Variants in TNFRSF1A observed in about 807,000 individuals in gnomAD.
TNFRSF1A encodes TNF receptor superfamily member 1A.
A neutral mutation model predicts 41.6 loss-of-function variants in TNFRSF1A; 9 were observed. That is an observed-to-expected ratio of 0.22 (90% confidence interval 0.13 to 0.38). TNFRSF1A has a LOEUF of 0.38. Ranked by LOEUF, TNFRSF1A falls within the 10% of genes least tolerant of loss-of-function variation. TNFRSF1A has a pLI of 1.00. For missense variants in TNFRSF1A, 463 were observed against 591.5 expected, an observed-to-expected ratio of 0.78 and a Z score of 2.25; for synonymous variants, 254 against 248.6, an observed-to-expected ratio of 1.02 and a Z score of -0.21.
intron 7 of TNFRSF1A, 77 bp from the exon 8 acceptor site, chr12:6,330,372 G>A (rs984136581): frequency 7.1e-7 from 1 of 1,416,002 alleles, no homozygotes. Flanking sequence ...GCTGGCAGTG[G>A]GGACTTGTGG....
At chr12:6,338,577 TA>T (rs1445572171) in intron 1 of TNFRSF1A, among the ~76,000 whole-genome samples, 1 of 135,126 alleles carries the variant, frequency 7.4e-6, no homozygotes, top group Non-Finnish European at 1.6e-5. Context: ...GATGCCTCAC[TA>T]CTTTTTTTTT....
At position 6,329,169 on chromosome 12, in the gene TNFRSF1A, G is replaced by A. The variant is rs1449927723; in HGVS notation, c.*143C>T. ...GGCGGCGCGCAGGCAGCTGAGAAAA[G>A]CTATGTACATCGAGGGGTTAGCACC... On this transcript the variant is annotated 3_prime_UTR_variant, in exon 10 of 10. Coordinates refer to ENST00000162749, the MANE Select transcript of TNFRSF1A (RefSeq NM_001065.4). 1 of 781,482 alleles carries A rather than the reference G, an allele frequency of 1.3e-6. No homozygotes were observed. The highest frequency in any genetic ancestry group is 1.8e-5 in the African/African-American group (1 of 55,466). The allele number at this position is 781,482 out of a possible 1,614,324, so 48.4% of individuals were successfully genotyped here. A position where few individuals can be genotyped will look rare whatever the true frequency, so the allele number is the denominator to read the frequency against.
At position 6,329,888 on chromosome 12, in the gene TNFRSF1A, G is replaced by C; in HGVS notation, c.947C>G (p.Pro316Arg). 1 of 1,585,424 alleles carries C rather than the reference G, an allele frequency of 6.3e-7. No homozygotes were observed. The highest frequency in any genetic ancestry group is 8.6e-7 in the Non-Finnish European group (1 of 1,165,364). ...NFAAPRREVA[P>R]PYQGADPILA... ...GATGGGGTCAGCCCCCTGATAGGGT[G>C]GTGCCACCTCTCTGCGGGGAGCCGC... Residue 316 changes from proline to arginine, a missense_variant, in exon 9 of 10, where the codon CCA becomes CGA. Physicochemically the swap from Pro to Arg is moderately radical, Grantham distance 103. This residue lies in a region of TNFRSF1A where 277 missense variants were observed against 288.8 expected (regional missense o/e 0.96). Coordinates refer to ENST00000162749, the MANE Select transcript of TNFRSF1A (RefSeq NM_001065.4).
intron 1 of TNFRSF1A, among the ~76,000 whole-genome samples, chr12:6,339,188 C>T (rs1948155624): frequency 6.6e-6 from 1 of 152,216 alleles, no homozygotes; most frequent in African/African-American, 2.4e-5. Context: ...CTCCATTCCT[C>T]TCCTCTTCCT....
chr12:6,333,312 AG>A lies in TNFRSF1A; in HGVS notation c.472+54del, dbSNP rs1200450808. 1.4e-5 allele frequency: 22 copies of A among 1,598,432 alleles called. No individual in the cohort carries two copies. The East Asian group carries it at 5.0e-4, about 36-fold the overall frequency. ...GAAAGGAAGTGCCACCGCATGGGGA[AG>A]GGGCCAACCCCTGGGGTGGGGAGAG... On this transcript the variant is annotated intron_variant, in intron 4 of 9. Transcript: ENST00000162749. This position sits in a 1 kb window ranked among gnomAD's most constrained non-coding sequence, Gnocchi z 6.3.
chr12:6,339,835 TCTCTCTCACACACACACA>T (rs1484573792), intron 1 of TNFRSF1A, among the ~76,000 whole-genome samples: 5 of 130,450 alleles, frequency 3.8e-5, no homozygotes, highest in Admixed American at 1.4e-4. Flanking sequence ...TCTCTCTCTC[TCTCTCTCACACACACACA>T]CACACACACA....
intron 1 of TNFRSF1A, among the ~76,000 whole-genome samples, chr12:6,340,661 T>G (rs1447609187): frequency 6.6e-6 from 1 of 151,714 alleles, no homozygotes; most frequent in Non-Finnish European, 1.5e-5. Context: ...CTCTGAGAAG[T>G]CTGAGGAGAG....
At chr12:6,330,546 T>G (rs1055183964) in intron 7 of TNFRSF1A, 52 bp downstream of exon 7, 11 of 1,379,042 alleles carry the variant, frequency 8.0e-6, no homozygotes, top group Non-Finnish European at 1.1e-5. Context: ...CACCCACCCA[T>G]GTCCTCCCTC....
Position 6,330,582 on chromosome 12 carries a change from C to A in TNFRSF1A, c.739+16G>T. The A allele has an allele frequency of 6.3e-7, 1 of 1,591,918 alleles. No individual in the cohort carries two copies. Among genetic ancestry groups the A allele is most frequent in the South Asian group, 1.1e-5 (1 of 90,374 alleles). On this transcript the variant is annotated intron_variant, in intron 7 of 9. Transcript: ENST00000162749. ...ACCCCCACCAGCTCCCTCTCCCTCC[C>A]AAAGCCCCCACTCACCAATGGAGTA...
chr12:6,329,614 G>A lies in TNFRSF1A; in HGVS notation c.1066C>T (p.Pro356Ser), dbSNP rs748903348. ...TCCACCACGGCGTACAGCGTCGCGG[G>A]GTCATCAGCTGCGGGGACGCGGGCC... ...HKPQSLDTDD[P>S]ATLYAVVENV... Residue 356 changes from proline to serine, a missense_variant, in exon 10 of 10, where the codon CCC (proline) becomes TCC (serine). Coordinates refer to ENST00000162749, the MANE Select transcript of TNFRSF1A (RefSeq NM_001065.4). 1.9e-6 allele frequency: 3 copies of A among 1,594,410 alleles called. No individual in the cohort carries two copies. The highest frequency in any genetic ancestry group is 2.6e-6 in the Non-Finnish European group (3 of 1,174,702).
At chr12:6,330,813 G>A (rs764036106) in intron 6 of TNFRSF1A, 40 bp downstream of exon 6, 1 of 1,598,406 alleles carries the variant, frequency 6.3e-7, no homozygotes, top group Non-Finnish European at 8.6e-7. Flanking sequence ...AGAAGAGGGA[G>A]AGGGCAGGTG....
At chr12:6,339,624 C>T (rs374002054) in intron 1 of TNFRSF1A, among the ~76,000 whole-genome samples, 5 of 152,160 alleles carry the variant, frequency 3.3e-5, no homozygotes, top group African/African-American at 1.2e-4. Flanking sequence ...CCAGTTCCTC[C>T]TCCTCCCAAC....
chr12:6,333,402 C>T lies in TNFRSF1A; in HGVS notation c.437G>A (p.Cys146Tyr), dbSNP rs751163134. 1 of 1,613,932 alleles carries T rather than the reference C, an allele frequency of 6.2e-7. No individual in the cohort carries two copies. The highest frequency in any genetic ancestry group is 8.5e-7 in the Non-Finnish European group (1 of 1,179,954). The change falls in exon 4 of 10, where the codon TGC becomes TAC. Residue 146 changes from cysteine to tyrosine, a missense_variant. Cys to Tyr is a radical substitution (Grantham distance 194, BLOSUM62 -2). Coordinates refer to ENST00000162749, the MANE Select transcript of TNFRSF1A (RefSeq NM_001065.4). The surrounding 1 kb of genome is among the most constrained non-coding windows in gnomAD (Gnocchi z 6.3). Reference protein sequence around the residue: ...WSENLFQCFNCSLCLNGTVHL... With the variant: ...WSENLFQCFNYSLCLNGTVHL... The stretch of plus-strand genomic sequence containing the variant: ...CACGGTCCCATTGAGGCAGAGGCTG[C>T]AATTGAAGCACTGGAAAAGGTTTTC...
rs1481945019 is a variant in TNFRSF1A at position 6,333,237 on chromosome 12, C to T, written c.473-90G>A. On this transcript the variant is annotated intron_variant, in intron 4 of 9. Coordinates refer to ENST00000162749, the MANE Select transcript of TNFRSF1A (RefSeq NM_001065.4). The surrounding 1 kb of genome is among the most constrained non-coding windows in gnomAD (Gnocchi z 6.3). ...GAAGTGACGAGGGACAGGGTGGGGGCGGCCAGAGAGGAGTTGGTTGTCAGA... is the reference window on the plus strand; with the variant it reads ...GAAGTGACGAGGGACAGGGTGGGGGTGGCCAGAGAGGAGTTGGTTGTCAGA... 1.2e-5 allele frequency: 18 copies of T among 1,546,154 alleles called. No homozygotes were observed. Among genetic ancestry groups the T allele is most frequent in the East Asian group, 6.9e-5 (3 of 43,604 alleles).
At position 6,333,197 on chromosome 12, in the gene TNFRSF1A, C is replaced by T. The variant is rs769877084; in HGVS notation, c.473-50G>A. The T allele has an allele frequency of 2.5e-6, 4 of 1,592,622 alleles. No individual in the cohort carries two copies. The highest frequency in any genetic ancestry group is 2.2e-5 in the South Asian group (2 of 90,176). On this transcript the variant is annotated intron_variant, in intron 4 of 9. Transcript: ENST00000162749. This position sits in a 1 kb window ranked among gnomAD's most constrained non-coding sequence, Gnocchi z 6.3. Reference sequence around the variant, plus strand: ...TAAAGGAGAAGCGCCTGCACCCCCACCCCACAGGACAGAGGAAGTGACGAG... The same window carrying T: ...TAAAGGAGAAGCGCCTGCACCCCCATCCCACAGGACAGAGGAAGTGACGAG...
Position 6,333,119 on chromosome 12 carries a change from G to C in TNFRSF1A, c.501C>G (p.Thr167=), listed in dbSNP as rs202063972. ...CTCTTAGAAAGAAACCTGCATGGCA[G>C]GTGCACACGGTGTTCTGTTTCTCCT... The part of the protein sequence containing the change: ...SCQEKQNTVC[T]CHAGFFLREN... The change falls in exon 5 of 10, where the codon ACC becomes ACG. Residue 167 remains threonine (T), a synonymous_variant. Coordinates refer to ENST00000162749, the MANE Select transcript of TNFRSF1A (RefSeq NM_001065.4). This position sits in a 1 kb window ranked among gnomAD's most constrained non-coding sequence, Gnocchi z 6.3. 6.2e-7 allele frequency: 1 copy of C among 1,614,230 alleles called. No homozygotes were observed. The highest frequency in any genetic ancestry group is 2.2e-5 in the East Asian group (1 of 44,890).
chr12:6,336,855 T>G (rs1378267499), intron 1 of TNFRSF1A, among the ~76,000 whole-genome samples: 1 of 152,210 alleles, frequency 6.6e-6, no homozygotes, highest in East Asian at 1.9e-4. Flanking sequence ...CCTCCCACCC[T>G]GGGTTCACCG....
At chr12:6,330,175 A>C (rs755581100) in intron 8 of TNFRSF1A, 92 bp downstream of exon 8, 2 of 1,612,474 alleles carry the variant, frequency 1.2e-6, no homozygotes, top group Non-Finnish European at 1.7e-6. Flanking sequence ...GAGCCCCCGG[A>C]AAGTGAAGGA....
rs201355351 is a variant in TNFRSF1A, at chr12:6,341,890, G to C, written c.-76C>G. ...GCAGCGGCAGTGCTGGGGCTTCCCGGGACTCGGTCTGTCCAGGACGTCCCA... is the reference window on the plus strand; with the variant it reads ...GCAGCGGCAGTGCTGGGGCTTCCCGCGACTCGGTCTGTCCAGGACGTCCCA... On this transcript the variant is annotated 5_prime_UTR_variant, in exon 1 of 10. Transcript: ENST00000162749. The surrounding 1 kb of genome is among the most constrained non-coding windows in gnomAD (Gnocchi z 4.6). 2.6e-6 allele frequency: 4 copies of C among 1,557,438 alleles called. No individual in the cohort carries two copies. In the South Asian group the frequency reaches 4.5e-5, roughly 17 times the overall value.
Sources: gnomAD v4.1 joint callset for allele counts (sites outside exome capture counted in the v4.1 genomes callset) on GRCh38, gnomAD v4.1.1 for gene constraint, gnomAD v4.1.1 regional missense constraint, Gnocchi (gnomAD v3.1) non-coding constraint, MANE v1.5 for transcripts, NCBI Gene and HGNC (gene_info 2026-07-23, HGNC 2026-07-21) for gene names.